SND1: variants seen among roughly 807,000 people sequenced by gnomAD.
SND1 encodes the protein staphylococcal nuclease and tudor domain containing 1, also known as staphylococcal nuclease domain-containing protein 1.
A neutral mutation model predicts 121.7 loss-of-function variants in SND1; 38 were observed. The ratio of observed to expected loss-of-function variants is 0.31; its 90% confidence interval spans 0.24 to 0.41. The LOEUF is 0.41. SND1 is among the 10% of genes least tolerant of loss of function. The pLI, the probability that SND1 is intolerant of heterozygous loss-of-function variation, is 1.00. For missense variants in SND1, 868 were observed against 1,184.6 expected (o/e 0.73, Z 3.92); for synonymous variants, 401 against 447.4 (o/e 0.90, Z 1.31).
At chr7:127,734,031 G>A (rs1456404170) in intron 10 of SND1, among the ~76,000 whole-genome samples, 4 of 151,970 alleles carry the variant, frequency 2.6e-5, no homozygotes, top group Admixed American at 6.6e-5. Flanking sequence ...GAGAACCACC[G>A]TTCTAGATTG....
chr7:127,808,108 G>T (rs1161693764), intron 11 of SND1, among the ~76,000 whole-genome samples: 1 of 151,874 alleles, frequency 6.6e-6, no homozygotes, highest in Non-Finnish European at 1.5e-5. Flanking sequence ...TTTCAGGAAG[G>T]GGTGTGTGGC....
At chr7:127,732,057 C>G (rs73723057) in intron 10 of SND1, among the ~76,000 whole-genome samples, 2,702 of 152,336 alleles carry the variant, frequency 0.018, 101 homozygotes, top group African/African-American at 0.062. Context: ...GTCTCTTTGC[C>G]TTTGTGCCCA....
chr7:128,004,917 A>T (rs1216863299), intron 16 of SND1, among the ~76,000 whole-genome samples: 1 of 152,230 alleles, frequency 6.6e-6, no homozygotes, highest in Non-Finnish European at 1.5e-5. Context: ...AGTGTTTAAA[A>T]GGACAGGCCT....
intron 12 of SND1, among the ~76,000 whole-genome samples, chr7:127,880,721 G>GTT: frequency 6.6e-6 from 1 of 151,842 alleles, no homozygotes; most frequent in East Asian, 1.9e-4. Context: ...GCAGGGGTGT[G>GTT]TGTGTGTGTG....
chr7:127,798,771 A>G (rs993438889), intron 10 of SND1, among the ~76,000 whole-genome samples: 4 of 152,186 alleles, frequency 2.6e-5, no homozygotes, highest in Non-Finnish European at 5.9e-5. Flanking sequence ...ATGGTCAGAT[A>G]CAGTGGCTCA....
chr7:127,703,140 C>G, intron 6 of SND1, 25 bp from the exon 7 acceptor site: 1 of 1,613,790 alleles, frequency 6.2e-7, no homozygotes, highest in Non-Finnish European at 8.5e-7. Context: ...GGCTGCATTA[C>G]TCACCTACCT....
chr7:127,961,831 G>A (rs1205931650), intron 15 of SND1, among the ~76,000 whole-genome samples: 3 of 152,158 alleles, frequency 2.0e-5, no homozygotes, highest in African/African-American at 7.2e-5. Flanking sequence ...AAGAAAAAGG[G>A]TATATTTTAT....
At chr7:127,880,001 C>T (rs1799760439) in intron 12 of SND1, among the ~76,000 whole-genome samples, 1 of 152,146 alleles carries the variant, frequency 6.6e-6, no homozygotes, top group South Asian at 2.1e-4. Context: ...ATTTTAGTTG[C>T]CCATGATCAA....
intron 9 of SND1, among the ~76,000 whole-genome samples, chr7:127,717,115 TAG>T (rs1796405236): frequency 1.3e-5 from 2 of 152,350 alleles, no homozygotes; most frequent in South Asian, 4.1e-4. Flanking sequence ...ATTAAGCAGG[TAG>T]CACAGAGTTC....
intron 14 of SND1, among the ~76,000 whole-genome samples, chr7:127,922,175 CTTTTTTTTTTTT>C (rs1158535023): frequency 3.9e-3 from 223 of 57,198 alleles, no homozygotes; most frequent in Non-Finnish European, 5.8e-3. Context: ...TTTTTCTTTC[CTTTTTTTTTTTT>C]TTTTTTTTTT....
intron 20 of SND1, 107 bp from the exon 21 acceptor site, chr7:128,086,831 G>T: frequency 1.1e-6 from 1 of 870,340 alleles, no homozygotes. Flanking sequence ...GATGAACAGG[G>T]TGGCCCAGAG....
rs141795740 is a variant in SND1 at position 127,727,983 on chromosome 7, G to A, written c.1152+6583G>A. The stretch of plus-strand genomic sequence containing the variant: ...CCTGTTCCTCAGCAGTAGAGGTCAT[G>A]GAGTAGGGGTACAAGCCTGCCTCCT... On this transcript the variant is annotated intron_variant, in intron 10 of 23. Coordinates refer to ENST00000354725, the MANE Select transcript of SND1 (RefSeq NM_014390.4). Among the ~76,000 whole-genome samples, 305 of 152,238 alleles carry A rather than the reference G, an allele frequency of 2.0e-3. 3 individuals carry two copies. Among genetic ancestry groups the A allele is most frequent in the Non-Finnish European group, 2.4e-3 (161 of 68,012 alleles).
chr7:128,087,085 C>A, intron 21 of SND1, 34 bp downstream of exon 21: 1 of 1,531,430 alleles, frequency 6.5e-7, no homozygotes, highest in Non-Finnish European at 9.0e-7. Flanking sequence ...CCAAAGGGGA[C>A]TATCCACTGA....
intron 8 of SND1, among the ~76,000 whole-genome samples, chr7:127,706,404 A>G (rs1034328978): frequency 6.6e-6 from 1 of 151,734 alleles, no homozygotes; most frequent in South Asian, 2.1e-4. Context: ...CTACAGGCGC[A>G]TGCCACCACA....
chr7:127,998,474 G>T (rs1354133319), intron 16 of SND1: 1 of 155,508 alleles, frequency 6.4e-6, no homozygotes, highest in African/African-American at 2.4e-5. Context: ...AACATAGTCT[G>T]CAAATCTCTC....
chr7:127,903,077 T>A (rs1224741767), intron 13 of SND1, among the ~76,000 whole-genome samples: 1 of 152,008 alleles, frequency 6.6e-6, no homozygotes, highest in Non-Finnish European at 1.5e-5. Context: ...AGAGACAGGG[T>A]TTCACCATAT....
chr7:127,736,909 T>C (rs1562995605), intron 10 of SND1, among the ~76,000 whole-genome samples: 1 of 152,212 alleles, frequency 6.6e-6, no homozygotes. Flanking sequence ...GGCAGCTTCA[T>C]GCATGCAGCC....
intron 15 of SND1, among the ~76,000 whole-genome samples, chr7:127,982,102 C>A (rs1361760767): frequency 1.3e-5 from 2 of 152,156 alleles, no homozygotes; most frequent in African/African-American, 4.8e-5. Context: ...CATTAACAGG[C>A]GAACAACTAT....
At chr7:127,969,708 G>A (rs1011262898) in intron 15 of SND1, among the ~76,000 whole-genome samples, 3 of 152,128 alleles carry the variant, frequency 2.0e-5, no homozygotes, top group African/African-American at 7.2e-5. Flanking sequence ...ATCCTGGGCA[G>A]CAGAGCAAGA....
Sources: allele counts gnomAD v4.1 joint callset (sites outside exome capture counted in the v4.1 genomes callset), GRCh38; gene constraint gnomAD v4.1.1; transcripts MANE v1.5; gene names NCBI Gene and HGNC (gene_info 2026-07-23, HGNC 2026-07-21).